The following DOK6 variants were observed in gnomAD, a reference collection of about 807,000 sequenced individuals.
DOK6 encodes downstream of tyrosine kinase 6.
In DOK6, 22 loss-of-function variants were observed where a neutral mutation model predicts 44.0. The ratio of observed to expected loss-of-function variants is 0.50; its 90% CI spans 0.36 to 0.71. The LOEUF (loss-of-function observed/expected upper bound fraction) is 0.71, where lower values mean the gene tolerates loss of function less well. Among genes scored for constraint, DOK6 ranks in the 30% least tolerant of loss-of-function variants. The pLI is 0.00. For missense variants in DOK6, 340 were observed against 416.4 expected, an observed-to-expected ratio of 0.82 and a Z score of 1.60; for synonymous variants, 166 against 145.5, an observed-to-expected ratio of 1.14 and a Z score of -1.01.
chr18:69,417,046 C>T (rs1024958582), intron 1 of DOK6, among the ~76,000 whole-genome samples: 1 of 152,026 alleles, frequency 6.6e-6, no homozygotes, highest in African/African-American at 2.4e-5. Flanking sequence ...GGATATTCAT[C>T]ACCTCAAACA....
At position 69,651,633 on chromosome 18, in the gene DOK6, C is replaced by T. The variant is rs146608102; in HGVS notation, c.290-26101C>T. On this transcript the variant is annotated intron_variant, in intron 3 of 7. Transcript: ENST00000382713. Reference sequence around the variant, plus strand: ...CCTCTGGAATAGCTAGGATTACAGACATGTGCCACCACACCCAGCTAATTT... The same window carrying T: ...CCTCTGGAATAGCTAGGATTACAGATATGTGCCACCACACCCAGCTAATTT... Among the ~76,000 whole-genome samples, 509 of 152,066 alleles carry T rather than the reference C, an allele frequency of 3.3e-3. 5 individuals carry two copies. The highest frequency in any genetic ancestry group is 0.011 in the African/African-American group (473 of 41,478).
At chr18:69,517,728 G>GT (rs1981569372) in intron 1 of DOK6, among the ~76,000 whole-genome samples, 11 of 64,714 alleles carry the variant, frequency 1.7e-4, no homozygotes, top group African/African-American at 1.9e-4. Context: ...TATACAGCTT[G>GT]GTTTTTTTTT....
chr18:69,420,272 ATTCT>A (rs547968020), intron 1 of DOK6, among the ~76,000 whole-genome samples: 60 of 152,160 alleles, frequency 3.9e-4, no homozygotes, highest in African/African-American at 1.4e-3. Context: ...TATTTTGACT[ATTCT>A]TTATGTATAT....
intron 5 of DOK6, among the ~76,000 whole-genome samples, chr18:69,716,214 A>G (rs1986877718): frequency 6.6e-6 from 1 of 151,188 alleles, no homozygotes; most frequent in African/African-American, 2.4e-5. Context: ...ACAGTGAGAC[A>G]GTATTCTTTT....
intron 1 of DOK6, among the ~76,000 whole-genome samples, chr18:69,411,040 TG>T (rs2122390154): frequency 6.6e-6 from 1 of 152,172 alleles, no homozygotes; most frequent in Admixed American, 6.6e-5. Context: ...GATGGATAGA[TG>T]GGGGGAGAGA....
In DOK6 at chr18:69,434,949, AGGGAG is replaced by A. The variant is rs1568256338; in HGVS notation, c.66+33642_66+33646del. Among the ~76,000 whole-genome samples the A allele has an allele frequency of 5.4e-5, 6 of 111,392 alleles. No homozygotes were observed. In the South Asian group the frequency reaches 1.4e-3, roughly 27 times the overall value. 73.1% of individuals were successfully genotyped at this position (111,392 alleles called of 152,430 possible). A position where few individuals can be genotyped will look rare whatever the true frequency, so the allele number is the denominator to read the frequency against. On this transcript the variant is annotated intron_variant, in intron 1 of 7. Coordinates refer to ENST00000382713, the MANE Select transcript of DOK6 (RefSeq NM_152721.6). ...AAAAAAGGGAGGGAGGGAGGGAGGG[AGGGAG>A]GGAAGGAAGGAAGGAAGGAAGGAAG... is the stretch of plus-strand genomic sequence containing the variant.
intron 1 of DOK6, among the ~76,000 whole-genome samples, chr18:69,495,668 C>T (rs978871971): frequency 4.6e-5 from 7 of 152,196 alleles, no homozygotes. Context: ...AGGCCCTTCC[C>T]AGCCTGAAAG....
At chr18:69,607,308 A>G (rs1051332757) in intron 3 of DOK6, among the ~76,000 whole-genome samples, 46 of 151,116 alleles carry the variant, frequency 3.0e-4, no homozygotes, top group African/African-American at 1.1e-3. Flanking sequence ...AATTTATTTT[A>G]TGAAGCCAGC....
At chr18:69,536,012 T>C (rs1463870847) in intron 1 of DOK6, among the ~76,000 whole-genome samples, 7 of 152,128 alleles carry the variant, frequency 4.6e-5, no homozygotes, top group Non-Finnish European at 1.0e-4. Flanking sequence ...GGGAGAAGAC[T>C]AGTGCCAGAT....
chr18:69,702,460 G>A (rs1166073892), intron 5 of DOK6, among the ~76,000 whole-genome samples: 1 of 152,162 alleles, frequency 6.6e-6, no homozygotes, highest in Non-Finnish European at 1.5e-5. Flanking sequence ...AGCTTCAATT[G>A]AAGTGAGGAA....
chr18:69,809,565 GAC>G (rs57753226), intron 7 of DOK6, among the ~76,000 whole-genome samples: 6,221 of 146,072 alleles, frequency 0.043, 287 homozygotes, highest in African/African-American at 0.12. Flanking sequence ...CACACACACA[GAC>G]ACACACACAC....
chr18:69,623,561 A>G (rs535105672), intron 3 of DOK6, among the ~76,000 whole-genome samples: 3 of 152,358 alleles, frequency 2.0e-5, no homozygotes, highest in Middle Eastern at 3.4e-3. Flanking sequence ...TTTGTCTTCT[A>G]TGAAAGTAAG....
intron 1 of DOK6, among the ~76,000 whole-genome samples, chr18:69,477,182 G>A (rs540799687): frequency 2.0e-5 from 3 of 152,220 alleles, no homozygotes; most frequent in Non-Finnish European, 2.9e-5. Flanking sequence ...TGTATTTGAC[G>A]TTTGAAATAA....
chr18:69,558,660 T>G (rs1982749633), intron 1 of DOK6, among the ~76,000 whole-genome samples: 1 of 152,138 alleles, frequency 6.6e-6, no homozygotes, highest in Non-Finnish European at 1.5e-5. Context: ...TGAAGGACAT[T>G]GTACAATATA....
intron 3 of DOK6, chr18:69,660,215 C>G (rs1370723992): frequency 6.6e-6 from 1 of 152,108 alleles, no homozygotes; most frequent in Non-Finnish European, 1.5e-5. Context: ...TGAAACAAAC[C>G]CTCTGCATGG....
intron 1 of DOK6, among the ~76,000 whole-genome samples, chr18:69,554,174 A>G (rs949650071): frequency 6.6e-6 from 1 of 152,220 alleles, no homozygotes; most frequent in Non-Finnish European, 1.5e-5. Flanking sequence ...AAATGACTAA[A>G]TGGAGAGTTT....
At position 69,841,657 on chromosome 18, in the gene DOK6, G is replaced by A. The variant is rs751060711; in HGVS notation, c.*274G>A. On this transcript the variant is annotated 3_prime_UTR_variant, in exon 8 of 8. Transcript: ENST00000382713. ...TATTTAAATAAACAAAATTCTTTGG[G>A]TCTGACAGTAACAGAAACCTCAGCA... 1 of 367,638 alleles carries A rather than the reference G, an allele frequency of 2.7e-6. No individual in the cohort carries two copies. Among genetic ancestry groups the A allele is most frequent in the Admixed American group, 3.9e-5 (1 of 25,662 alleles). 22.8% of individuals were successfully genotyped at this position (367,638 alleles called of 1,614,324 possible).
At chr18:69,497,112 T>C (rs1206169421) in intron 1 of DOK6, among the ~76,000 whole-genome samples, 2 of 152,164 alleles carry the variant, frequency 1.3e-5, no homozygotes, top group Admixed American at 6.5e-5. Flanking sequence ...TGACCATCCA[T>C]GCCACAAAGA....
chr18:69,502,913 C>T lies in DOK6; in HGVS notation c.67-61574C>T, dbSNP rs146298726. Among the ~76,000 whole-genome samples, 17 of 152,148 alleles carry T rather than the reference C, an allele frequency of 1.1e-4. No homozygotes were observed. In the East Asian group the frequency reaches 3.3e-3, roughly 29 times the overall value. On this transcript the variant is annotated intron_variant, in intron 1 of 7. Transcript: ENST00000382713. ...TATAGAAAGTTCTGTAGTGTGCGCT[C>T]TTATAGATGGAGCCGTTACATTTAT...
Sources: allele counts gnomAD v4.1 joint callset (sites outside exome capture counted in the v4.1 genomes callset), GRCh38; gene constraint gnomAD v4.1.1; transcripts MANE v1.5; gene names NCBI Gene and HGNC (gene_info 2026-07-23, HGNC 2026-07-21).